The following ASAH2 variants were observed in gnomAD, a reference collection of about 807,000 sequenced individuals.
ASAH2 encodes the protein neutral ceramidase.
In ASAH2, 58 loss-of-function variants were observed where a neutral mutation model predicts 82.9. The observed-to-expected ratio is 0.70, with a 90% confidence interval of 0.57 to 0.87. The LOEUF (loss-of-function observed/expected upper bound fraction) is 0.87, where lower values mean the gene tolerates loss of function less well. Among genes scored for constraint, ASAH2 ranks in the 40% least tolerant of loss-of-function variants. ASAH2 has a pLI of 0.00. For synonymous variants in ASAH2, 276 were observed against 289.7 expected (o/e 0.95, Z 0.48); for missense variants, 779 against 834.0 (o/e 0.93, Z 0.81).
At chr10:50,215,481 G>A (rs910606468) in intron 8 of ASAH2, among the ~76,000 whole-genome samples, 2,767 of 152,102 alleles carry the variant, frequency 0.018, 74 homozygotes, top group African/African-American at 0.063. Flanking sequence ...TTTGTATAAG[G>A]TGTAAGGAAG....
In ASAH2 at chr10:50,206,084, C is replaced by T; in HGVS notation, c.1428G>A (p.Gly476=). The part of the protein sequence containing the change: ...GLNFTQGKTE[G]DPFWDTIRDQ... ...CCCGAATGGTGTCCCAAAATGGATC[C>T]CCTTCTGTTTTCCCTATTAGAAATG... is the stretch of plus-strand genomic sequence containing the variant. Residue 476 remains glycine (G), a synonymous_variant, in exon 13 of 21, where the codon GGG becomes GGA. Coordinates refer to ENST00000682911, the MANE Select transcript of ASAH2 (RefSeq NM_019893.4). The T allele has an allele frequency of 6.2e-7, 1 of 1,611,438 alleles. No individual in the cohort carries two copies.
chr10:50,237,101 C>T (rs1036602969), intron 4 of ASAH2, among the ~76,000 whole-genome samples: 14 of 152,234 alleles, frequency 9.2e-5, no homozygotes, highest in South Asian at 6.2e-4. Context: ...GAAAGCAAGT[C>T]GGCTGTGCAA....
intron 4 of ASAH2, among the ~76,000 whole-genome samples, chr10:50,238,638 C>T (rs1846217861): frequency 2.0e-5 from 3 of 152,090 alleles, no homozygotes; most frequent in African/African-American, 7.2e-5. Flanking sequence ...ATGTTCTTAA[C>T]AATTTGCAGC....
At chr10:50,215,392 G>A (rs1389088619) in intron 8 of ASAH2, among the ~76,000 whole-genome samples, 2 of 151,482 alleles carry the variant, frequency 1.3e-5, no homozygotes, top group African/African-American at 2.4e-5. Flanking sequence ...GTCCTAAATG[G>A]TATTTGCCTA....
chr10:50,206,578 A>ACACACACAC (rs1845304785), intron 12 of ASAH2, among the ~76,000 whole-genome samples: 2 of 150,554 alleles, frequency 1.3e-5, no homozygotes, highest in African/African-American at 2.4e-5. Flanking sequence ...ACACACACAC[A>ACACACACAC]AAGCAGTAAA....
In ASAH2 at chr10:50,243,431, C is replaced by T. The variant is rs73321904; in HGVS notation, c.361-80G>A. On this transcript the variant is annotated intron_variant, in intron 3 of 20. Transcript: ENST00000682911. ...ACCAGGCACAAACATACAATATAGA[C>T]GACTGCAGAAAAACAAAGAAAAACA... is the stretch of plus-strand genomic sequence containing the variant. The T allele has an allele frequency of 2.0e-3, 2,873 of 1,440,296 alleles. 39 individuals carry two copies. The African/African-American group carries it at 0.036, about 18-fold the overall frequency. The allele number at this position is 1,440,296 out of a possible 1,614,324, so 89.2% of individuals were successfully genotyped here. A position where few individuals can be genotyped will look rare whatever the true frequency, so the allele number is the denominator to read the frequency against.
At position 50,233,967 on chromosome 10, in the gene ASAH2, G is replaced by A. The variant is rs1426288735; in HGVS notation, c.815+458C>T. On this transcript the variant is annotated intron_variant, in intron 6 of 20. Coordinates refer to ENST00000682911, the MANE Select transcript of ASAH2 (RefSeq NM_019893.4). Reference sequence around the variant, plus strand: ...TTTCTCTGTCTTGCCACACTCTTGTGGACTAAGATGATTTATTCTGGATAA... The same window carrying A: ...TTTCTCTGTCTTGCCACACTCTTGTAGACTAAGATGATTTATTCTGGATAA... Among the ~76,000 whole-genome samples, 4 of 151,878 alleles carry A rather than the reference G, an allele frequency of 2.6e-5. No individual in the cohort carries two copies. In the East Asian group the frequency reaches 5.8e-4, roughly 22 times the overall value.
chr10:50,209,840 T>A (rs1845405325), intron 12 of ASAH2, among the ~76,000 whole-genome samples: 1 of 152,020 alleles, frequency 6.6e-6, no homozygotes, highest in Admixed American at 6.6e-5. Flanking sequence ...CAATGAGATA[T>A]CCCTCCACAC....
At chr10:50,205,756 G>C (rs1845276034) in intron 13 of ASAH2, among the ~76,000 whole-genome samples, 1 of 151,850 alleles carries the variant, frequency 6.6e-6, no homozygotes, top group Admixed American at 6.6e-5. Context: ...TGTCCTAATT[G>C]TTGTATTTAT....
chr10:50,217,054 A>G (rs1478192408), intron 8 of ASAH2, among the ~76,000 whole-genome samples: 1 of 152,160 alleles, frequency 6.6e-6, no homozygotes, highest in Non-Finnish European at 1.5e-5. Flanking sequence ...TCCCTCCTGA[A>G]TAGAATAATG....
At position 50,245,389 on chromosome 10, in the gene ASAH2, G is replaced by C; in HGVS notation, c.193C>G (p.Gln65Glu). Residue 65 changes from glutamine to glutamate, a missense_variant, in exon 3 of 21, where the codon CAA (glutamine) becomes GAA (glutamate). Transcript: ENST00000682911. ...GAATGCTGGGTGGCTGTGGAGCGTTGGGCAGCTGTGGAGCCCTGGGTGGCT... is the reference window on the plus strand; with the variant it reads ...GAATGCTGGGTGGCTGTGGAGCGTTCGGCAGCTGTGGAGCCCTGGGTGGCT... Reference protein sequence around the residue: ...PPATQGSTAAQRSTATQHSTA... With the variant: ...PPATQGSTAAERSTATQHSTA... 6.2e-7 allele frequency: 1 copy of C among 1,613,908 alleles called. No individual in the cohort carries two copies.
intron 12 of ASAH2, among the ~76,000 whole-genome samples, chr10:50,210,366 G>C (rs957658038): frequency 1.3e-5 from 2 of 152,124 alleles, no homozygotes; most frequent in African/African-American, 4.8e-5. Context: ...CAAGCGTGGT[G>C]GCAGGTGCCT....
chr10:50,226,576 T>C (rs1238773343), intron 7 of ASAH2, among the ~76,000 whole-genome samples: 4 of 152,054 alleles, frequency 2.6e-5, no homozygotes, highest in Non-Finnish European at 5.9e-5. Flanking sequence ...GTTCATCAGT[T>C]ATAAGGAATG....
At chr10:50,202,789 G>A (rs1845187923) in intron 16 of ASAH2, 40 bp downstream of exon 16, 7 of 1,282,900 alleles carry the variant, frequency 5.5e-6, no homozygotes, top group African/African-American at 2.9e-5. Flanking sequence ...GTCTTTACTG[G>A]GGTATAATTC....
At chr10:50,193,199 G>A (rs1322402476) in intron 18 of ASAH2, among the ~76,000 whole-genome samples, 2 of 150,270 alleles carry the variant, frequency 1.3e-5, no homozygotes, top group African/African-American at 4.9e-5. Flanking sequence ...ATTAAACAAT[G>A]GATTTTCAAG....
intron 2 of ASAH2, among the ~76,000 whole-genome samples, chr10:50,247,229 T>G (rs995683049): frequency 2.6e-5 from 4 of 151,970 alleles, no homozygotes; most frequent in Non-Finnish European, 2.9e-5. Flanking sequence ...CTCAGCTCAC[T>G]GCAACCTCTG....
Position 50,241,942 on chromosome 10 carries a change from G to A in ASAH2, c.510+1260C>T, listed in dbSNP as rs548194039. Among the ~76,000 whole-genome samples the A allele has an allele frequency of 2.0e-5, 3 of 152,102 alleles. No individual in the cohort carries two copies. The South Asian group carries it at 6.2e-4, about 32-fold the overall frequency. ...AGGAGAAACACCTAATGTAGATGACGGGTTGATGGGTCCAGCAAACCACCA... is the reference window on the plus strand; with the variant it reads ...AGGAGAAACACCTAATGTAGATGACAGGTTGATGGGTCCAGCAAACCACCA... On this transcript the variant is annotated intron_variant, in intron 4 of 20. Transcript: ENST00000682911.
intron 11 of ASAH2, 56 bp from the exon 12 acceptor site, chr10:50,210,960 A>G: frequency 3.1e-6 from 5 of 1,603,218 alleles, no homozygotes; most frequent in South Asian, 1.1e-5. Flanking sequence ...AGTTAAACTG[A>G]AAGTAAATAA....
chr10:50,248,496 C>A lies in ASAH2; in HGVS notation c.115G>T (p.Glu39Ter). The A allele has an allele frequency of 6.2e-7, 1 of 1,613,646 alleles. No homozygotes were observed. Among genetic ancestry groups the A allele is most frequent in the South Asian group, 1.1e-5 (1 of 91,036 alleles). Reference protein sequence around the residue: ...SLLFITSGTIENHKDLGGHFF... With the variant: ...SLLFITSGTI ...CCATGACACTTGCCTTTGTGGTTTT[C>A]AATGGTCCCACTGGTGATAAACAAG... is the stretch of plus-strand genomic sequence containing the variant. Residue 39 changes from glutamate to a stop codon, truncating the protein, a stop_gained, in exon 2 of 21, where the codon GAA becomes TAA. Coordinates refer to ENST00000682911, the MANE Select transcript of ASAH2 (RefSeq NM_019893.4). LOFTEE classifies it high-confidence loss of function.
Sources: allele counts gnomAD v4.1 joint callset (sites outside exome capture counted in the v4.1 genomes callset), GRCh38; gene constraint gnomAD v4.1.1; transcripts MANE v1.5; gene names NCBI Gene and HGNC (gene_info 2026-07-23, HGNC 2026-07-21).